The following SYN3 variants were observed in gnomAD, a reference collection of about 807,000 sequenced individuals.
SYN3 encodes the protein synapsin III.
SYN3 carries 35 observed loss-of-function variants against 65.8 expected under a neutral mutation model. That is an observed-to-expected ratio of 0.53 (90% CI 0.41 to 0.70). The LOEUF (loss-of-function observed/expected upper bound fraction) is 0.70, where lower values mean the gene tolerates loss of function less well. SYN3 is among the 30% of genes least tolerant of loss of function. SYN3 has a pLI of 0.00. For synonymous variants in SYN3, 270 were observed against 292.9 expected (o/e 0.92, Z 0.80); for missense variants, 680 against 749.0 (o/e 0.91, Z 1.08).
At position 32,774,650 on chromosome 22, in the gene SYN3, T is replaced by C. The variant is rs368242280; in HGVS notation, c.711+90265A>G. Among the ~76,000 whole-genome samples the C allele has an allele frequency of 5.5e-4, 84 of 152,152 alleles. No individual in the cohort carries two copies. In the East Asian group the frequency reaches 0.012, roughly 21 times the overall value. On this transcript the variant is annotated intron_variant, in intron 6 of 13. Transcript: ENST00000358763. ...TTTTCTTGCCCAGGCTGGAGTGCAA[T>C]GGCGCACGATCTCAGCTCACCGCAA...
Position 32,689,670 on chromosome 22 carries a change from C to A in SYN3, c.712-92934G>T, listed in dbSNP as rs1300222500. On this transcript the variant is annotated intron_variant, in intron 6 of 13. Coordinates refer to ENST00000358763, the MANE Select transcript of SYN3 (RefSeq NM_003490.4). Reference sequence around the variant, plus strand: ...TTTTAATAGTGAGGAGACTAGAGCCCAGAGACCGTGGCTTGTCCAAGGTCA... The same window carrying A: ...TTTTAATAGTGAGGAGACTAGAGCCAAGAGACCGTGGCTTGTCCAAGGTCA... 3.9e-5 allele frequency among the ~76,000 whole-genome samples: 6 copies of A among 152,140 alleles called. No homozygotes were observed. In the South Asian group the frequency reaches 1.0e-3, roughly 26 times the overall value.
chr22:32,674,980 G>A (rs1397406984), intron 6 of SYN3, among the ~76,000 whole-genome samples: 1 of 152,214 alleles, frequency 6.6e-6, no homozygotes, highest in Non-Finnish European at 1.5e-5. Context: ...AGAGGTAACA[G>A]ATGTACCCCT....
At chr22:32,956,989 G>A (rs940637593) in intron 3 of SYN3, among the ~76,000 whole-genome samples, 1 of 152,160 alleles carries the variant, frequency 6.6e-6, no homozygotes, top group Non-Finnish European at 1.5e-5. Flanking sequence ...AGCCCGTGTG[G>A]ATGGATCAGA....
intron 3 of SYN3, among the ~76,000 whole-genome samples, chr22:32,937,271 T>C (rs974604487): frequency 1.3e-5 from 2 of 152,172 alleles, no homozygotes; most frequent in Non-Finnish European, 2.9e-5. Flanking sequence ...AAACATATTT[T>C]AAAAATTAAA....
At chr22:32,736,722 A>T (rs1251275157) in intron 6 of SYN3, among the ~76,000 whole-genome samples, 2 of 152,172 alleles carry the variant, frequency 1.3e-5, no homozygotes. Context: ...TATTTTACAG[A>T]CTGAGAAACA....
Position 32,557,217 on chromosome 22 carries a change from A to C in SYN3, c.775-15504T>G, listed in dbSNP as rs562184723. The stretch of plus-strand genomic sequence containing the variant: ...TCTATCATGAAGGAGTTCACAGTCC[A>C]TGGGAGAGGCAGATACATGAACAGA... On this transcript the variant is annotated intron_variant, in intron 7 of 13. Transcript: ENST00000358763. Among the ~76,000 whole-genome samples, 3 of 152,136 alleles carry C rather than the reference A, an allele frequency of 2.0e-5. No individual in the cohort carries two copies. The East Asian group carries it at 5.8e-4, about 29-fold the overall frequency.
chr22:32,756,381 C>A (rs1001250262), intron 6 of SYN3, among the ~76,000 whole-genome samples: 1 of 152,134 alleles, frequency 6.6e-6, no homozygotes, highest in Admixed American at 6.5e-5. Flanking sequence ...ATGTAACAAA[C>A]CTGCACGTTG....
At chr22:32,620,305 G>A (rs2059576530) in intron 6 of SYN3, among the ~76,000 whole-genome samples, 1 of 152,256 alleles carries the variant, frequency 6.6e-6, no homozygotes, top group South Asian at 2.1e-4. Flanking sequence ...GAGAGCCAGT[G>A]TACTCCAAAA....
chr22:32,653,449 A>G (rs1248057503), intron 6 of SYN3, among the ~76,000 whole-genome samples: 1 of 152,256 alleles, frequency 6.6e-6, no homozygotes, highest in Non-Finnish European at 1.5e-5. Flanking sequence ...AAGGTTTACA[A>G]GAAAAGCATG....
At chr22:32,685,708 T>C (rs1234301550) in intron 6 of SYN3, among the ~76,000 whole-genome samples, 1 of 152,256 alleles carries the variant, frequency 6.6e-6, no homozygotes, top group Non-Finnish European at 1.5e-5. Flanking sequence ...CGAAATTGGC[T>C]AATGATGCAT....
chr22:32,977,574 T>C (rs2052239830), intron 3 of SYN3, among the ~76,000 whole-genome samples: 1 of 151,888 alleles, frequency 6.6e-6, no homozygotes, highest in Non-Finnish European at 1.5e-5. Flanking sequence ...TGAAACCCCA[T>C]CTCTACTAAA....
intron 2 of SYN3, among the ~76,000 whole-genome samples, chr22:32,997,279 G>C (rs993980805): frequency 6.6e-6 from 1 of 152,164 alleles, no homozygotes; most frequent in Admixed American, 6.5e-5. Flanking sequence ...CCCTGGTCAG[G>C]GGACGTGCAC....
intron 3 of SYN3, among the ~76,000 whole-genome samples, chr22:32,952,307 T>C (rs962705784): frequency 4.0e-5 from 6 of 150,698 alleles, no homozygotes; most frequent in Non-Finnish European, 7.4e-5. Context: ...GGGGTGTGTG[T>C]GTGTGTGGAC....
Position 32,538,060 on chromosome 22 carries a change from A to G in SYN3, c.968T>C (p.Leu323Pro). Residue 323 changes from leucine (L) to proline (P), a missense_variant, in exon 9 of 14, where the codon CTG becomes CCG. Transcript: ENST00000358763. ...NWKANTGSAMLEQVAMTERYR... is the reference protein window; with the variant it reads ...NWKANTGSAMPEQVAMTERYR... ...CCTCTCTGTCATGGCCACCTGCTCC[A>G]GCATGGCAGAGCCTGTGTTGGCCTT... The G allele has an allele frequency of 6.2e-7, 1 of 1,614,122 alleles. No individual in the cohort carries two copies. Among genetic ancestry groups the G allele is most frequent in the Non-Finnish European group, 8.5e-7 (1 of 1,180,000 alleles).
intron 6 of SYN3, among the ~76,000 whole-genome samples, chr22:32,772,372 T>C (rs970203495): frequency 3.3e-5 from 5 of 151,106 alleles, no homozygotes; most frequent in Non-Finnish European, 5.9e-5. Flanking sequence ...GATACAGATG[T>C]GGAGTGAGCC....
intron 6 of SYN3, among the ~76,000 whole-genome samples, chr22:32,685,516 C>A (rs1168262112): frequency 6.6e-6 from 1 of 152,100 alleles, no homozygotes; most frequent in Non-Finnish European, 1.5e-5. Flanking sequence ...TTTACTGTAC[C>A]TTTTCTATGT....
chr22:33,026,599 CTA>C (rs1284755075), intron 1 of SYN3, among the ~76,000 whole-genome samples: 1 of 152,188 alleles, frequency 6.6e-6, no homozygotes, highest in African/African-American at 2.4e-5. Context: ...GTTGGGCTCT[CTA>C]TGAAGCCAGT....
chr22:32,990,375 T>G (rs1320113622), intron 2 of SYN3, among the ~76,000 whole-genome samples: 1 of 137,418 alleles, frequency 7.3e-6, no homozygotes, highest in Non-Finnish European at 1.6e-5. Context: ...CATCCATCCA[T>G]GCATCCATCC....
At chr22:33,051,243 T>C (rs1026450530) in intron 1 of SYN3, among the ~76,000 whole-genome samples, 3 of 152,078 alleles carry the variant, frequency 2.0e-5, no homozygotes, top group Non-Finnish European at 4.4e-5. Flanking sequence ...TTCTCCAAAA[T>C]TGAGAACCCA....
Sources: allele counts gnomAD v4.1 joint callset (sites outside exome capture counted in the v4.1 genomes callset), GRCh38; gene constraint gnomAD v4.1.1; transcripts MANE v1.5; gene names NCBI Gene and HGNC (gene_info 2026-07-23, HGNC 2026-07-21).